Variants in RFX3 observed in about 807,000 individuals in gnomAD.
RFX3 encodes transcription factor RFX3.
RFX3 carries 14 observed loss-of-function variants against 98.6 expected under a neutral mutation model. That is an observed-to-expected ratio of 0.14 (90% confidence interval 0.09 to 0.22). The LOEUF (loss-of-function observed/expected upper bound fraction) is 0.22, where lower values mean the gene tolerates loss of function less well. Among genes scored for constraint, RFX3 ranks in the 10% least tolerant of loss-of-function variants. The probability of loss-of-function intolerance (pLI) is 1.00; values close to 1 mark genes in which losing one functional copy is unlikely to be tolerated. For synonymous variants in RFX3, 383 were observed against 328.4 expected (o/e 1.17, Z -1.80); for missense variants, 639 against 926.9 (o/e 0.69, Z 4.03).
chr9:3,506,120 T>G (rs1038064520), intron 1 of RFX3, among the ~76,000 whole-genome samples: 3 of 151,502 alleles, frequency 2.0e-5, no homozygotes, highest in African/African-American at 4.8e-5. Flanking sequence ...GGCACTAAAT[T>G]CAGCAACTCA....
chr9:3,430,336 G>A (rs1161488093), intron 1 of RFX3, among the ~76,000 whole-genome samples: 1 of 152,102 alleles, frequency 6.6e-6, no homozygotes, highest in African/African-American at 2.4e-5. Context: ...TAATTAGAAA[G>A]CATAGATCCC....
At chr9:3,252,246 T>C (rs113205669) in intron 14 of RFX3, among the ~76,000 whole-genome samples, 66 of 152,362 alleles carry the variant, frequency 4.3e-4, no homozygotes, top group African/African-American at 1.5e-3. Flanking sequence ...ATTTATTGTG[T>C]TCCTACTCTG....
chr9:3,403,794 G>A (rs947952963), intron 1 of RFX3, among the ~76,000 whole-genome samples: 1 of 152,150 alleles, frequency 6.6e-6, no homozygotes, highest in Non-Finnish European at 1.5e-5. Context: ...ATTATTTACA[G>A]AGCCACAAAA....
intron 1 of RFX3, among the ~76,000 whole-genome samples, chr9:3,423,504 G>C (rs1319819121): frequency 6.6e-6 from 1 of 151,800 alleles, no homozygotes; most frequent in East Asian, 1.9e-4. Flanking sequence ...TCTCAACATT[G>C]GGCTGAGCAA....
At chr9:3,293,423 G>A (rs72699032) in intron 5 of RFX3, among the ~76,000 whole-genome samples, 165 bp from the exon 6 acceptor site, 6,420 of 152,162 alleles carry the variant, frequency 0.042, 195 homozygotes, top group Non-Finnish European at 0.061. Flanking sequence ...CTTTGAAAAC[G>A]CTCAGAAACA....
chr9:3,303,757 C>T (rs768021734), intron 4 of RFX3, among the ~76,000 whole-genome samples: 4 of 151,868 alleles, frequency 2.6e-5, no homozygotes, highest in Admixed American at 1.3e-4. Flanking sequence ...AAATGGCCTT[C>T]TCATTTCTGG....
At chr9:3,230,833 T>C (rs369218817) in intron 15 of RFX3, among the ~76,000 whole-genome samples, 4 of 152,224 alleles carry the variant, frequency 2.6e-5, no homozygotes, top group African/African-American at 9.6e-5. Flanking sequence ...TAAGTTATTA[T>C]TGCTATTGCT....
At chr9:3,462,724 A>G (rs1847807941) in intron 1 of RFX3, among the ~76,000 whole-genome samples, 1 of 152,092 alleles carries the variant, frequency 6.6e-6, no homozygotes, top group South Asian at 2.1e-4. Context: ...AAAATAGAAA[A>G]AGTGTACCAT....
rs1203235294 is a variant in RFX3, at chr9:3,219,072, C to T, written c.*5970G>A. 5 of 152,104 alleles carry T rather than the reference C, an allele frequency of 3.3e-5. No individual in the cohort carries two copies. The highest frequency in any genetic ancestry group is 5.9e-5 in the Non-Finnish European group (4 of 68,012). 9.4% of individuals were successfully genotyped at this position (152,104 alleles called of 1,614,324 possible). A position where few individuals can be genotyped will look rare whatever the true frequency, so the allele number is the denominator to read the frequency against. ...TTTCCAAGTTTTCTCAAGGCACTCA[C>T]TTAAAGTTTCTGTAACCAATGCATT... On this transcript the variant is annotated 3_prime_UTR_variant, in exon 17 of 17. Coordinates refer to ENST00000617270, the MANE Select transcript of RFX3 (RefSeq NM_001282116.2).
At chr9:3,384,311 C>A (rs920125062) in intron 2 of RFX3, among the ~76,000 whole-genome samples, 1 of 152,176 alleles carries the variant, frequency 6.6e-6, no homozygotes, top group African/African-American at 2.4e-5. Flanking sequence ...AAAAAAGAAT[C>A]ATTTGCTAAA....
chr9:3,401,921 A>T (rs1455933375), intron 1 of RFX3, among the ~76,000 whole-genome samples: 3 of 152,224 alleles, frequency 2.0e-5, no homozygotes, highest in African/African-American at 7.2e-5. Context: ...ATGGAACAAG[A>T]TTAGCATTTC....
intron 1 of RFX3, among the ~76,000 whole-genome samples, chr9:3,507,360 AATAGCAATTG>A (rs1392123111): frequency 6.6e-6 from 1 of 151,950 alleles, no homozygotes; most frequent in African/African-American, 2.4e-5. Context: ...ATAGGATAAT[AATAGCAATTG>A]CCATTTATTA....
chr9:3,236,525 A>G (rs1265676608), intron 15 of RFX3, among the ~76,000 whole-genome samples: 2 of 152,198 alleles, frequency 1.3e-5, no homozygotes, highest in African/African-American at 4.8e-5. Context: ...CTGCACCACA[A>G]GCAGCCCCAA....
At chr9:3,411,786 G>C (rs1028008319) in intron 1 of RFX3, among the ~76,000 whole-genome samples, 2 of 151,620 alleles carry the variant, frequency 1.3e-5, no homozygotes, top group Non-Finnish European at 2.9e-5. Context: ...CCACTGCGCA[G>C]GCCTCTTGTT....
chr9:3,393,958 T>A (rs1464499273), intron 2 of RFX3, among the ~76,000 whole-genome samples: 2 of 152,162 alleles, frequency 1.3e-5, no homozygotes, highest in East Asian at 3.8e-4. Context: ...CAAACCTGCA[T>A]ATGTATGCTC....
intron 2 of RFX3, among the ~76,000 whole-genome samples, chr9:3,349,623 T>C (rs80015762): frequency 0.022 from 3,317 of 152,170 alleles, 119 homozygotes; most frequent in African/African-American, 0.076. Context: ...ATGTTTAGGT[T>C]TATCCTTTCA....
intron 4 of RFX3, among the ~76,000 whole-genome samples, chr9:3,321,345 T>C (rs1317678265): frequency 3.3e-5 from 5 of 152,204 alleles, no homozygotes; most frequent in Non-Finnish European, 7.4e-5. Flanking sequence ...TTAATTTTGA[T>C]AAAAAATTTC....
chr9:3,478,403 C>T (rs1373565508), intron 1 of RFX3, among the ~76,000 whole-genome samples: 1 of 148,254 alleles, frequency 6.7e-6, no homozygotes, highest in East Asian at 2.0e-4. Context: ...GAGTTCTCTG[C>T]TAGAACTTTT....
intron 1 of RFX3, among the ~76,000 whole-genome samples, chr9:3,458,554 A>C (rs991874594): frequency 7.9e-5 from 12 of 152,196 alleles, no homozygotes; most frequent in Admixed American, 7.8e-4. Context: ...GATTTTTTTA[A>C]AGCAGATAAT....
Sources: gnomAD v4.1 joint callset for allele counts (sites outside exome capture counted in the v4.1 genomes callset) on GRCh38, gnomAD v4.1.1 for gene constraint, MANE v1.5 for transcripts, NCBI Gene and HGNC (gene_info 2026-07-23, HGNC 2026-07-21) for gene names.